The following YWHAE variants were observed in gnomAD, a reference collection of about 807,000 sequenced individuals.
The protein encoded by YWHAE is tyrosine 3-monooxygenase/tryptophan 5-monooxygenase activation protein epsilon, also known as 14-3-3 protein epsilon.
Under a neutral mutation model 30.1 loss-of-function variants are expected in YWHAE, and 4 were observed. That is an observed-to-expected ratio of 0.13 (90% CI 0.07 to 0.30). YWHAE has a LOEUF of 0.30. YWHAE is among the 10% of genes least tolerant of loss of function. The pLI, the probability that YWHAE is intolerant of heterozygous loss-of-function variation, is 1.00. For missense variants in YWHAE, 121 were observed against 315.9 expected (o/e 0.38, Z 4.68); for synonymous variants, 118 against 111.8 (o/e 1.06, Z -0.35).
intron 1 of YWHAE, among the ~76,000 whole-genome samples, chr17:1,368,521 G>T (rs915391068): frequency 6.7e-6 from 1 of 149,344 alleles, no homozygotes; most frequent in Non-Finnish European, 1.5e-5. Context: ...CTGAGATCGC[G>T]CCATTGCACT....
chr17:1,384,871 C>T (rs2073276506), intron 1 of YWHAE, among the ~76,000 whole-genome samples: 2 of 152,016 alleles, frequency 1.3e-5, no homozygotes, highest in Admixed American at 6.6e-5. Context: ...CGAAGCCTGG[C>T]TAATTTTTTT....
At chr17:1,382,142 G>A (rs934690825) in intron 1 of YWHAE, among the ~76,000 whole-genome samples, 15 of 151,506 alleles carry the variant, frequency 9.9e-5, no homozygotes, top group African/African-American at 3.6e-4. Context: ...TCCGCCTCCC[G>A]GGTTCACGCC....
rs142067309 is a variant in YWHAE, at chr17:1,370,995, T to C, written c.65-5937A>G. Among the ~76,000 whole-genome samples, 28 of 152,066 alleles carry C rather than the reference T, an allele frequency of 1.8e-4. 1 individual carries two copies. The East Asian group carries it at 4.3e-3, about 23-fold the overall frequency. On this transcript the variant is annotated intron_variant, in intron 1 of 5. Coordinates refer to ENST00000264335, the MANE Select transcript of YWHAE (RefSeq NM_006761.5). ...GCCTGGGCGACACAGCGAGACTCCTTCTCAAAAAATAAAAAATCAAAAAAC... is the reference window on the plus strand; with the variant it reads ...GCCTGGGCGACACAGCGAGACTCCTCCTCAAAAAATAAAAAATCAAAAAAC...
rs188605085 is a variant in YWHAE at position 1,368,364 on chromosome 17, G to A, written c.65-3306C>T. On this transcript the variant is annotated intron_variant, in intron 1 of 5. Coordinates refer to ENST00000264335, the MANE Select transcript of YWHAE (RefSeq NM_006761.5). The stretch of plus-strand genomic sequence containing the variant: ...GTACTCCAGTCTGGGCAACAAGAGC[G>A]AAACTCCATCTCAAAAAAAGGAAAA... Among the ~76,000 whole-genome samples, 668 of 150,576 alleles carry A rather than the reference G, an allele frequency of 4.4e-3. 7 individuals carry two copies. The highest frequency in any genetic ancestry group is 0.015 in the African/African-American group (617 of 40,988).
chr17:1,398,485 C>T (rs1351741666), intron 1 of YWHAE, among the ~76,000 whole-genome samples: 1 of 152,102 alleles, frequency 6.6e-6, no homozygotes, highest in Non-Finnish European at 1.5e-5. Flanking sequence ...ATAAGGGGGA[C>T]TAACCCTGAG....
At chr17:1,362,932 C>T (rs1036870058) in intron 2 of YWHAE, among the ~76,000 whole-genome samples, 35 of 152,104 alleles carry the variant, frequency 2.3e-4, no homozygotes, top group African/African-American at 8.0e-4. Flanking sequence ...CCAAACTCTT[C>T]CTCCTCACAA....
At chr17:1,398,334 T>TCCCCC (rs11389163) in intron 1 of YWHAE, among the ~76,000 whole-genome samples, 3 of 100,878 alleles carry the variant, frequency 3.0e-5, no homozygotes, top group Non-Finnish European at 3.7e-5. Flanking sequence ...CCCCATCTTA[T>TCCCCC]CCCCCCCCCC....
intron 1 of YWHAE, among the ~76,000 whole-genome samples, chr17:1,394,968 AAAAT>A (rs1196557436): frequency 6.6e-6 from 1 of 152,172 alleles, no homozygotes; most frequent in Non-Finnish European, 1.5e-5. Context: ...CTGTCTCAAA[AAAAT>A]AAATAAAAAT....
intron 1 of YWHAE, among the ~76,000 whole-genome samples, chr17:1,383,283 G>A (rs570086158): frequency 3.9e-4 from 59 of 152,188 alleles, no homozygotes; most frequent in Middle Eastern, 6.8e-3. Flanking sequence ...CTGGGAGGAC[G>A]AGGTTTCCGC....
At chr17:1,369,079 A>G (rs992895371) in intron 1 of YWHAE, among the ~76,000 whole-genome samples, 2 of 152,238 alleles carry the variant, frequency 1.3e-5, no homozygotes, top group Non-Finnish European at 2.9e-5. Flanking sequence ...TCAAGCATAA[A>G]TGCTTTCATT....
intron 2 of YWHAE, among the ~76,000 whole-genome samples, chr17:1,363,869 G>T (rs965560543): frequency 6.7e-6 from 1 of 149,330 alleles, no homozygotes; most frequent in African/African-American, 2.5e-5. Flanking sequence ...TACTAGAATC[G>T]GTTACTCAAC....
At chr17:1,397,495 G>A (rs1183093775) in intron 1 of YWHAE, among the ~76,000 whole-genome samples, 1 of 152,138 alleles carries the variant, frequency 6.6e-6, no homozygotes, top group Admixed American at 6.6e-5. Context: ...AGAATTAAAT[G>A]AGGATACAAA....
chr17:1,399,214 G>A (rs1313941614), intron 1 of YWHAE: 1 of 152,064 alleles, frequency 6.6e-6, no homozygotes, highest in African/African-American at 2.4e-5. Context: ...AGAACCCACG[G>A]GTGATGGAGC....
intron 1 of YWHAE, among the ~76,000 whole-genome samples, chr17:1,379,432 C>G (rs2073172269): frequency 6.6e-6 from 1 of 152,180 alleles, no homozygotes; most frequent in Non-Finnish European, 1.5e-5. Context: ...CTGCAATGAG[C>G]TGTGATCACG....
At chr17:1,392,280 T>G (rs1478298506) in intron 1 of YWHAE, among the ~76,000 whole-genome samples, 1 of 152,004 alleles carries the variant, frequency 6.6e-6, no homozygotes, top group Non-Finnish European at 1.5e-5. Flanking sequence ...GAGGCTGAGA[T>G]GGGATGATCA....
At chr17:1,348,699 C>A (rs2072565951) in intron 5 of YWHAE, among the ~76,000 whole-genome samples, 1 of 152,178 alleles carries the variant, frequency 6.6e-6, no homozygotes, top group African/African-American at 2.4e-5. Flanking sequence ...AGATTACAGG[C>A]AGGCACCATT....
chr17:1,352,746 C>T (rs562616592), intron 5 of YWHAE, among the ~76,000 whole-genome samples: 86 of 152,170 alleles, frequency 5.7e-4, no homozygotes, highest in African/African-American at 2.0e-3. Context: ...AGGATGGTCT[C>T]GATCTCCTGA....
intron 1 of YWHAE, 35 bp downstream of exon 1, chr17:1,400,012 G>T: frequency 6.2e-7 from 1 of 1,612,730 alleles, no homozygotes; most frequent in Non-Finnish European, 8.5e-7. Context: ...CAGAGGGTCC[G>T]AGAATTCCAG....
intron 3 of YWHAE, 131 bp from the exon 4 acceptor site, chr17:1,361,429 CAAT>C: frequency 2.9e-6 from 2 of 680,674 alleles, no homozygotes; most frequent in Non-Finnish European, 4.5e-6. Flanking sequence ...AGGTGTACTT[CAAT>C]AATTTTAAAC....
Sources: allele counts gnomAD v4.1 joint callset (sites outside exome capture counted in the v4.1 genomes callset), GRCh38; gene constraint gnomAD v4.1.1; transcripts MANE v1.5; gene names NCBI Gene and HGNC (gene_info 2026-07-23, HGNC 2026-07-21).